The following SDK1 variants were observed in gnomAD, a reference collection of about 807,000 sequenced individuals.
SDK1 encodes the protein protein sidekick-1.
Under a neutral mutation model 245.5 loss-of-function variants are expected in SDK1, and 157 were observed. The ratio of observed to expected loss-of-function variants is 0.64; its 90% confidence interval spans 0.56 to 0.73. The LOEUF (loss-of-function observed/expected upper bound fraction) is 0.73, where lower values mean the gene tolerates loss of function less well. Among genes scored for constraint, SDK1 ranks in the 30% least tolerant of loss-of-function variants. SDK1 has a pLI of 0.00. For missense variants in SDK1, 3,583 were observed against 3,002.3 expected (o/e 1.19, Z -4.52); for synonymous variants, 1,647 against 1,278.5 (o/e 1.29, Z -6.15).
rs535506481 is a variant in SDK1 at position 4,129,621 on chromosome 7, C to T, written c.3940-287C>T. 7.1e-6 allele frequency: 9 copies of T among 1,263,520 alleles called. No homozygotes were observed. In the East Asian group the frequency reaches 3.1e-4, roughly 44 times the overall value. 78.3% of individuals were successfully genotyped at this position (1,263,520 alleles called of 1,614,324 possible). A position where few individuals can be genotyped will look rare whatever the true frequency, so the allele number is the denominator to read the frequency against. ...TCTTTGTTTTAGTGGCTGTGGTTGG[C>T]ATGGCTGCAGTTGGGCCCTCAGATC... On this transcript the variant is annotated intron_variant, in intron 26 of 44. Transcript: ENST00000404826.
At chr7:3,368,500 G>A (rs1781145600) in intron 1 of SDK1, among the ~76,000 whole-genome samples, 1 of 152,192 alleles carries the variant, frequency 6.6e-6, no homozygotes, top group Non-Finnish European at 1.5e-5. Context: ...GGGGGATGGA[G>A]TGAAAATGAT....
At chr7:3,974,975 T>G (rs940508508) in intron 13 of SDK1, among the ~76,000 whole-genome samples, 3 of 152,160 alleles carry the variant, frequency 2.0e-5, no homozygotes, top group African/African-American at 7.2e-5. Context: ...ACTTGGGGTT[T>G]CAGTGAGTCC....
intron 5 of SDK1, among the ~76,000 whole-genome samples, chr7:3,909,691 T>C (rs1048876585): frequency 1.3e-5 from 2 of 152,200 alleles, no homozygotes; most frequent in Admixed American, 1.3e-4. Context: ...ATACACGGCT[T>C]TAAAGTAGGA....
intron 1 of SDK1, among the ~76,000 whole-genome samples, chr7:3,459,584 C>T (rs1780774101): frequency 6.6e-6 from 1 of 152,152 alleles, no homozygotes; most frequent in Non-Finnish European, 1.5e-5. Flanking sequence ...GACAAAGGGA[C>T]AAAGGAGATG....
chr7:4,066,630 C>T (rs374521395), intron 19 of SDK1, among the ~76,000 whole-genome samples: 151 of 152,326 alleles, frequency 9.9e-4, no homozygotes, highest in African/African-American at 3.5e-3. Flanking sequence ...CAGGCATCCT[C>T]TCCTCCCTCC....
chr7:3,767,113 C>T (rs543625364), intron 4 of SDK1, among the ~76,000 whole-genome samples: 2 of 152,276 alleles, frequency 1.3e-5, no homozygotes, highest in Admixed American at 6.5e-5. Context: ...GAATGGGCAT[C>T]TTGGAGGAGA....
rs553702350 is a variant in SDK1, at chr7:3,693,729, C to A, written c.713+51624C>A. ...AGTGACAGGAGGTCTAGTTTCACAT[C>A]CCTGGAGTATCTGGGAATCTATTGT... On this transcript the variant is annotated intron_variant, in intron 4 of 44. Coordinates refer to ENST00000404826, the MANE Select transcript of SDK1 (RefSeq NM_152744.4). 1.8e-3 allele frequency among the ~76,000 whole-genome samples: 273 copies of A among 152,244 alleles called. 1 individual carries two copies. Among genetic ancestry groups the A allele is most frequent in the African/African-American group, 6.2e-3 (259 of 41,528 alleles).
chr7:3,489,872 T>G (rs17133426), intron 1 of SDK1, among the ~76,000 whole-genome samples: 1 of 152,090 alleles, frequency 6.6e-6, no homozygotes, highest in African/African-American at 2.4e-5. Context: ...TGCTGAATTA[T>G]GGGATGCTGT....
chr7:4,206,064 CT>C, intron 36 of SDK1, 70 bp downstream of exon 36: 1 of 1,031,144 alleles, frequency 9.7e-7, no homozygotes, highest in Non-Finnish European at 1.4e-6. Flanking sequence ...GTCCTGCCTA[CT>C]GCATTGCCAG....
intron 4 of SDK1, among the ~76,000 whole-genome samples, chr7:3,742,809 G>A (rs999754955): frequency 6.6e-6 from 1 of 152,124 alleles, no homozygotes; most frequent in Admixed American, 6.5e-5. Flanking sequence ...TTTCCTACAA[G>A]GTCAGTGTCC....
chr7:3,446,424 T>C (rs777367144), intron 1 of SDK1, among the ~76,000 whole-genome samples: 7 of 152,164 alleles, frequency 4.6e-5, no homozygotes, highest in Admixed American at 3.9e-4. Context: ...GACAATCTTA[T>C]AGTTGATAAG....
chr7:3,511,502 A>C (rs1036422105), intron 1 of SDK1, among the ~76,000 whole-genome samples: 1 of 152,178 alleles, frequency 6.6e-6, no homozygotes, highest in Admixed American at 6.5e-5. Context: ...CATTTAACTA[A>C]TTAGGAAAAT....
At chr7:3,499,729 C>T (rs569001842) in intron 1 of SDK1, among the ~76,000 whole-genome samples, 26 of 152,302 alleles carry the variant, frequency 1.7e-4, no homozygotes, top group Non-Finnish European at 2.8e-4. Flanking sequence ...GGGTCATAGC[C>T]GGGCCTGTTT....
chr7:4,193,067 AAT>A (rs1415709324), intron 35 of SDK1, among the ~76,000 whole-genome samples: 1 of 139,146 alleles, frequency 7.2e-6, no homozygotes, highest in African/African-American at 2.6e-5. Flanking sequence ...TATATATTAT[AAT>A]ATATAATATA....
chr7:4,165,257 G>C (rs1781433236), intron 32 of SDK1, among the ~76,000 whole-genome samples: 1 of 152,028 alleles, frequency 6.6e-6, no homozygotes. Context: ...TACTCGGGAG[G>C]CTCAGGCAGG....
rs1780468369 is a variant in SDK1, at chr7:3,943,806, T to TAGAA, written c.848-7117_848-7116insAGAA. On this transcript the variant is annotated intron_variant, in intron 5 of 44. Transcript: ENST00000404826. ...GCTTCTCCCTCCTCAGCCTCTTCTA[T>TAGAA]GAGTAAAGAGGTTCATGTGGGGGAA... Among the ~76,000 whole-genome samples the TAGAA allele has an allele frequency of 4.6e-5, 7 of 152,360 alleles. No homozygotes were observed. The South Asian group carries it at 1.5e-3, about 32-fold the overall frequency.
chr7:3,945,974 A>T (rs1780562648), intron 5 of SDK1, among the ~76,000 whole-genome samples: 1 of 125,350 alleles, frequency 8.0e-6, no homozygotes, highest in African/African-American at 2.7e-5. Flanking sequence ...AAAAAAAGGA[A>T]AATATTGGAA....
chr7:3,467,147 C>T (rs1279347404), intron 1 of SDK1, among the ~76,000 whole-genome samples: 1 of 151,950 alleles, frequency 6.6e-6, no homozygotes. Context: ...TTGCTTTCTT[C>T]ATGGGGAAAG....
intron 22 of SDK1, among the ~76,000 whole-genome samples, 189 bp from the exon 23 acceptor site, chr7:4,110,474 G>C (rs1179690601): frequency 2.0e-5 from 3 of 152,160 alleles, no homozygotes; most frequent in Non-Finnish European, 4.4e-5. Flanking sequence ...CAGACTTGAT[G>C]GTGGGCATAG....
Sources: allele counts gnomAD v4.1 joint callset (sites outside exome capture counted in the v4.1 genomes callset), GRCh38; gene constraint gnomAD v4.1.1; transcripts MANE v1.5; gene names NCBI Gene and HGNC (gene_info 2026-07-23, HGNC 2026-07-21).